Variants in GRIA1 observed in about 807,000 individuals in gnomAD.
GRIA1 encodes the protein glutamate receptor 1.
GRIA1 carries 31 observed loss-of-function variants against 99.2 expected under a neutral mutation model. The ratio of observed to expected loss-of-function variants is 0.31; its 90% CI spans 0.23 to 0.42. The LOEUF (loss-of-function observed/expected upper bound fraction) is 0.42. Ranked by LOEUF, GRIA1 falls within the 10% of genes least tolerant of loss-of-function variation. GRIA1 has a pLI of 1.00. For synonymous variants in GRIA1, 438 were observed against 432.4 expected (o/e 1.01, Z -0.16); for missense variants, 782 against 1,157.5 (o/e 0.68, Z 4.71).
intron 2 of GRIA1, among the ~76,000 whole-genome samples, chr5:153,507,618 T>A (rs745398310): frequency 2.0e-5 from 3 of 152,216 alleles, no homozygotes; most frequent in Non-Finnish European, 4.4e-5. Flanking sequence ...CTCGAGTCTA[T>A]CCCCATTTTC....
chr5:153,589,379 A>G (rs1197830042), intron 2 of GRIA1, among the ~76,000 whole-genome samples: 1 of 152,204 alleles, frequency 6.6e-6, no homozygotes, highest in East Asian at 1.9e-4. Context: ...CTCCTGATGG[A>G]TACTTTTCAT....
At chr5:153,801,663 T>C (rs544561823) in intron 14 of GRIA1, among the ~76,000 whole-genome samples, 77 of 152,314 alleles carry the variant, frequency 5.1e-4, no homozygotes, top group African/African-American at 1.8e-3. Flanking sequence ...AAAAATGATA[T>C]CAATTAAGCA....
At chr5:153,634,676 C>A (rs540496425) in intron 2 of GRIA1, among the ~76,000 whole-genome samples, 2 of 152,320 alleles carry the variant, frequency 1.3e-5, no homozygotes, top group South Asian at 4.1e-4. Context: ...GGCAAGTATA[C>A]GTGCATTGCA....
intron 2 of GRIA1, among the ~76,000 whole-genome samples, chr5:153,575,222 C>A (rs1249241336): frequency 8.0e-5 from 3 of 37,332 alleles, no homozygotes; most frequent in African/African-American, 2.5e-4. Flanking sequence ...AGAGAGAGAG[C>A]TGTTTAAAAA....
intron 5 of GRIA1, among the ~76,000 whole-genome samples, chr5:153,656,977 C>T (rs1755006929): frequency 6.6e-6 from 1 of 152,152 alleles, no homozygotes; most frequent in Non-Finnish European, 1.5e-5. Context: ...TTGTAATTGA[C>T]TTCTTTCACT....
At chr5:153,697,784 T>C (rs1758219883) in intron 8 of GRIA1, among the ~76,000 whole-genome samples, 1 of 152,210 alleles carries the variant, frequency 6.6e-6, no homozygotes, top group African/African-American at 2.4e-5. Flanking sequence ...GTGTAAACAG[T>C]TAAGCCCTTA....
intron 11 of GRIA1, among the ~76,000 whole-genome samples, chr5:153,709,415 CTT>C (rs1013813720): frequency 1.3e-5 from 2 of 152,186 alleles, no homozygotes; most frequent in Admixed American, 1.3e-4. Context: ...AGCTTTAACT[CTT>C]TCTAATCTCT....
chr5:153,745,566 G>GCAA (rs1762092262), intron 11 of GRIA1, among the ~76,000 whole-genome samples: 1 of 129,898 alleles, frequency 7.7e-6, no homozygotes, highest in East Asian at 2.1e-4. Flanking sequence ...TCCAGCCTGG[G>GCAA]CAACAAAAGC....
chr5:153,712,585 T>G (rs981211820), intron 11 of GRIA1, among the ~76,000 whole-genome samples: 3 of 129,542 alleles, frequency 2.3e-5, no homozygotes, highest in Admixed American at 2.2e-4. Context: ...CTTGCTCTTC[T>G]TGATGTCACT....
chr5:153,520,591 T>C (rs1757047185), intron 2 of GRIA1, among the ~76,000 whole-genome samples: 1 of 152,108 alleles, frequency 6.6e-6, no homozygotes, highest in Admixed American at 6.6e-5. Flanking sequence ...AGGGAAGATG[T>C]ATACAAGCAA....
chr5:153,674,394 G>A lies in GRIA1; in HGVS notation c.700-106G>A, dbSNP rs1422321275. 2.0e-5 allele frequency: 25 copies of A among 1,223,822 alleles called. No homozygotes were observed. In the East Asian group the frequency reaches 5.4e-4, roughly 26 times the overall value. The allele number at this position is 1,223,822 out of a possible 1,614,324, so 75.8% of individuals were successfully genotyped here. A position where few individuals can be genotyped will look rare whatever the true frequency, so the allele number is the denominator to read the frequency against. ...GGCCTAACTGTCTCTCCATTGAGTAGGTTTCATCTGGTGGAACTGAATGGA... is the reference window on the plus strand; with the variant it reads ...GGCCTAACTGTCTCTCCATTGAGTAAGTTTCATCTGGTGGAACTGAATGGA... On this transcript the variant is annotated intron_variant, in intron 5 of 15. Transcript: ENST00000285900.
intron 15 of GRIA1, among the ~76,000 whole-genome samples, chr5:153,804,762 T>G (rs1766315242): frequency 7.2e-6 from 1 of 139,832 alleles, no homozygotes; most frequent in African/African-American, 2.7e-5. Flanking sequence ...TATTTATTTA[T>G]TTATTTTGAG....
At position 153,574,834 on chromosome 5, in the gene GRIA1, T is replaced by C. The variant is rs1762397817; in HGVS notation, c.221-72094T>C. Among the ~76,000 whole-genome samples the C allele has an allele frequency of 2.6e-5, 4 of 152,138 alleles. No individual in the cohort carries two copies. In the South Asian group the frequency reaches 8.3e-4, roughly 32 times the overall value. On this transcript the variant is annotated intron_variant, in intron 2 of 15. Transcript: ENST00000285900. ...CCTTGAACAAATCTCTTCCCTATAC[T>C]TGGCCTCGGTTTCCCCATCGGAACA... is the stretch of plus-strand genomic sequence containing the variant.
chr5:153,705,662 ATTTTTTT>A (rs70978505), intron 10 of GRIA1, 28 bp from the exon 11 acceptor site: 186 of 752,230 alleles, frequency 2.5e-4, no homozygotes, highest in Non-Finnish European at 2.8e-4. Context: ...GCTCACCTGC[ATTTTTTT>A]TTTTTTTTTT....
At chr5:153,625,577 T>C (rs1229827638) in intron 2 of GRIA1, among the ~76,000 whole-genome samples, 1 of 152,176 alleles carries the variant, frequency 6.6e-6, no homozygotes, top group African/African-American at 2.4e-5. Context: ...ACAAGTGTAT[T>C]GATATACCAG....
intron 2 of GRIA1, among the ~76,000 whole-genome samples, chr5:153,601,466 T>C (rs1042515422): frequency 3.9e-5 from 6 of 152,260 alleles, no homozygotes; most frequent in African/African-American, 1.4e-4. Flanking sequence ...TCTGACCTTT[T>C]GCTGGGACAT....
intron 11 of GRIA1, among the ~76,000 whole-genome samples, chr5:153,739,222 T>C (rs1404310005): frequency 2.0e-5 from 3 of 152,154 alleles, no homozygotes; most frequent in Non-Finnish European, 4.4e-5. Flanking sequence ...AAGGATCTCA[T>C]TGTATCACCT....
chr5:153,733,272 C>G (rs1761166683), intron 11 of GRIA1, among the ~76,000 whole-genome samples: 1 of 151,892 alleles, frequency 6.6e-6, no homozygotes, highest in Non-Finnish European at 1.5e-5. Context: ...CAAATAGGTT[C>G]AAATAGATTG....
At chr5:153,613,265 A>C (rs887417230) in intron 2 of GRIA1, among the ~76,000 whole-genome samples, 1 of 152,202 alleles carries the variant, frequency 6.6e-6, no homozygotes, top group African/African-American at 2.4e-5. Context: ...ACCAGCTTTC[A>C]GGCAGGAGCA....
Sources: allele counts gnomAD v4.1 joint callset (sites outside exome capture counted in the v4.1 genomes callset), GRCh38; gene constraint gnomAD v4.1.1; transcripts MANE v1.5; gene names NCBI Gene and HGNC (gene_info 2026-07-23, HGNC 2026-07-21).